The following LINGO2 variants were observed in gnomAD, a reference collection of about 807,000 sequenced individuals.
LINGO2 encodes the protein leucine rich repeat and Ig domain containing 2.
A neutral mutation model predicts 30.6 loss-of-function variants in LINGO2; 14 were observed. That is an observed-to-expected ratio of 0.46 (90% CI 0.30 to 0.72). LINGO2 has a LOEUF of 0.72. Ranked by LOEUF, LINGO2 falls within the 30% of genes least tolerant of loss-of-function variation. The probability of loss-of-function intolerance (pLI) is 0.07; values close to 1 mark genes in which losing one functional copy is unlikely to be tolerated. For synonymous variants in LINGO2, 317 were observed against 288.5 expected, an observed-to-expected ratio of 1.10 and a Z score of -1.00; for missense variants, 729 against 751.7, an observed-to-expected ratio of 0.97 and a Z score of 0.35.
chr9:28,636,653 C>G (rs1227376072), intron 1 of LINGO2, among the ~76,000 whole-genome samples: 4 of 151,976 alleles, frequency 2.6e-5, no homozygotes, highest in Non-Finnish European at 5.9e-5. Context: ...ATATCCTTTG[C>G]CCACTTGTTG....
At chr9:29,206,700 C>G in the LINGO2 span, among the ~76,000 whole-genome samples, 1 of 152,088 alleles carries the variant, frequency 6.6e-6, no homozygotes, top group Non-Finnish European at 1.5e-5. Context: ...TGAGGTGATG[C>G]TCTATTCTAT....
At chr9:29,030,480 TA>T in the LINGO2 span, among the ~76,000 whole-genome samples, 1 of 152,170 alleles carries the variant, frequency 6.6e-6, no homozygotes, top group Admixed American at 6.6e-5. Flanking sequence ...ATTTTATATT[TA>T]ATTGCTTTTT....
At chr9:28,479,811 C>G (rs529833161) in intron 1 of LINGO2, among the ~76,000 whole-genome samples, 3 of 145,974 alleles carry the variant, frequency 2.1e-5, no homozygotes, top group Admixed American at 1.4e-4. Flanking sequence ...AAGTACCATA[C>G]TGAAGAATGT....
chr9:28,928,219 C>A, the LINGO2 span, among the ~76,000 whole-genome samples: 2 of 152,166 alleles, frequency 1.3e-5, no homozygotes, highest in Non-Finnish European at 2.9e-5. Context: ...TATATCAAAA[C>A]CCTTTTATAT....
intron 4 of LINGO2, among the ~76,000 whole-genome samples, chr9:28,031,120 A>C (rs1335541376): frequency 1.3e-5 from 2 of 152,186 alleles, no homozygotes; most frequent in African/African-American, 4.8e-5. Context: ...CCTCATATCC[A>C]AGCTTCTCCT....
chr9:28,887,956 T>G, the LINGO2 span, among the ~76,000 whole-genome samples: 1 of 152,118 alleles, frequency 6.6e-6, no homozygotes, highest in Non-Finnish European at 1.5e-5. Context: ...AAGGTAAGAT[T>G]TGTATTACCA....
At chr9:29,025,005 A>G in the LINGO2 span, among the ~76,000 whole-genome samples, 30,823 of 152,044 alleles carry the variant, frequency 0.2, 3,588 homozygotes, top group South Asian at 0.24. Context: ...AAAAAAACAG[A>G]ACAGTCCCTG....
At chr9:28,770,855 A>G in the LINGO2 span, among the ~76,000 whole-genome samples, 1 of 152,210 alleles carries the variant, frequency 6.6e-6, no homozygotes, top group Admixed American at 6.5e-5. Context: ...ACTGTTGGTC[A>G]GACCAAAAGA....
the LINGO2 span, among the ~76,000 whole-genome samples, chr9:28,727,960 C>A: frequency 6.6e-6 from 1 of 151,970 alleles, no homozygotes; most frequent in Non-Finnish European, 1.5e-5. Context: ...CAATAGGGTA[C>A]CATAGAAGGG....
intron 4 of LINGO2, among the ~76,000 whole-genome samples, chr9:28,030,526 C>T (rs1479307644): frequency 6.6e-6 from 1 of 152,102 alleles, no homozygotes; most frequent in African/African-American, 2.4e-5. Flanking sequence ...ATCTGGCAAT[C>T]CCAAATGTAT....
At chr9:29,103,968 C>A in the LINGO2 span, among the ~76,000 whole-genome samples, 1 of 152,136 alleles carries the variant, frequency 6.6e-6, no homozygotes, top group Non-Finnish European at 1.5e-5. Flanking sequence ...TAAATTTGGA[C>A]AAGAGCAGCT....
At chr9:28,727,020 G>C in the LINGO2 span, among the ~76,000 whole-genome samples, 1 of 152,062 alleles carries the variant, frequency 6.6e-6, no homozygotes, top group Non-Finnish European at 1.5e-5. Context: ...GTTTCTTCCA[G>C]AGTTGAACCA....
intron 4 of LINGO2, among the ~76,000 whole-genome samples, chr9:28,017,501 CA>C (rs1822898319): frequency 6.6e-6 from 1 of 152,060 alleles, no homozygotes; most frequent in South Asian, 2.1e-4. Flanking sequence ...TTTCAGGATA[CA>C]AAAATAAATG....
At chr9:28,423,730 A>T (rs1375448693) in intron 2 of LINGO2, among the ~76,000 whole-genome samples, 2 of 152,160 alleles carry the variant, frequency 1.3e-5, no homozygotes, top group Admixed American at 6.6e-5. Flanking sequence ...GCTGTTTTAG[A>T]GGACTAATCT....
chr9:28,104,214 G>T (rs1184538871), intron 4 of LINGO2, among the ~76,000 whole-genome samples: 1 of 145,108 alleles, frequency 6.9e-6, no homozygotes, highest in Non-Finnish European at 1.5e-5. Flanking sequence ...TTAACTGTAT[G>T]AGAAGAGTAA....
intron 4 of LINGO2, among the ~76,000 whole-genome samples, chr9:28,155,319 G>C (rs1828103967): frequency 6.6e-6 from 1 of 152,184 alleles, no homozygotes; most frequent in African/African-American, 2.4e-5. Flanking sequence ...GTGTGAAACA[G>C]TCAGTCATGA....
intron 5 of LINGO2, among the ~76,000 whole-genome samples, chr9:28,009,354 A>AT (rs959052187): frequency 8.6e-5 from 5 of 58,416 alleles, no homozygotes; most frequent in East Asian, 6.7e-4. Context: ...AGCACAAGTG[A>AT]TAAAAAAAAA....
At chr9:28,078,062 A>T (rs1450480455) in intron 4 of LINGO2, among the ~76,000 whole-genome samples, 2 of 149,462 alleles carry the variant, frequency 1.3e-5, no homozygotes, top group African/African-American at 2.6e-5. Context: ...ATAAACAAAT[A>T]AATAATGGCT....
At chr9:28,946,801 A>T in the LINGO2 span, among the ~76,000 whole-genome samples, 7 of 152,128 alleles carry the variant, frequency 4.6e-5, no homozygotes, top group East Asian at 1.2e-3. Flanking sequence ...GACTATAGGC[A>T]TGACTACCAC....
Sources: allele counts gnomAD v4.1 joint callset (sites outside exome capture counted in the v4.1 genomes callset), GRCh38; gene constraint gnomAD v4.1.1; transcripts MANE v1.5; gene names NCBI Gene and HGNC (gene_info 2026-07-23, HGNC 2026-07-21).